RCC1L: variants seen among roughly 807,000 people sequenced by gnomAD.
RCC1L encodes RCC1-like G exchanging factor-like protein.
A neutral mutation model predicts 58.6 loss-of-function variants in RCC1L; 46 were observed. The observed-to-expected ratio is 0.79, with a 90% CI of 0.62 to 1.00. RCC1L has a LOEUF of 1.00. Among genes scored for constraint, RCC1L ranks in the 50% least tolerant of loss-of-function variants. The probability of loss-of-function intolerance (pLI) is 0.00; values close to 1 mark genes in which losing one functional copy is unlikely to be tolerated. For synonymous variants in RCC1L, 281 were observed against 262.9 expected (o/e 1.07, Z -0.67); for missense variants, 636 against 623.6 (o/e 1.02, Z -0.21).
intron 6 of RCC1L, 121 bp from the exon 7 acceptor site, chr7:75,058,890 T>A: frequency 8.0e-7 from 1 of 1,256,916 alleles, no homozygotes; most frequent in Non-Finnish European, 1.1e-6. Flanking sequence ...GAAATCCCAG[T>A]CTGGGGCTGG....
rs1359739168 is a variant in RCC1L at position 75,073,666 on chromosome 7, C to A, written c.72G>T (p.Gly24=). The A allele has an allele frequency of 2.7e-6, 4 of 1,488,698 alleles. No individual in the cohort carries two copies. Among genetic ancestry groups the A allele is most frequent in the Non-Finnish European group, 3.5e-6 (4 of 1,127,260 alleles). The allele number at this position is 1,488,698 out of a possible 1,614,324, so 92.2% of individuals were successfully genotyped here. The change falls in exon 1 of 11, where the codon GGG becomes GGT. Residue 24 remains glycine, a synonymous_variant. Transcript: ENST00000610322. ...RRLSGPGLGR[G]HWTAAGRSRS... is the part of the protein sequence containing the mutation. ...GGGAGCGCCCGGCCGCCGTCCAGTG[C>A]CCTCGCCCCAGCCCCGGCCCGCTCA...
At chr7:75,043,246 G>T in intron 10 of RCC1L, 137 bp from the exon 11 acceptor site, 1 of 1,025,308 alleles carries the variant, frequency 9.8e-7, no homozygotes, top group Non-Finnish European at 1.5e-6. Flanking sequence ...GAGACAGCTT[G>T]TCTCAGTAGG....
chr7:75,073,015 A>G (rs1362479061), intron 1 of RCC1L, among the ~76,000 whole-genome samples: 2 of 152,192 alleles, frequency 1.3e-5, no homozygotes, highest in Non-Finnish European at 2.9e-5. Context: ...TACATTTTCA[A>G]TGGACTTTTG....
intron 4 of RCC1L, 85 bp downstream of exon 4, chr7:75,064,497 C>T: frequency 2.0e-6 from 3 of 1,508,164 alleles, no homozygotes; most frequent in Non-Finnish European, 2.8e-6. Context: ...CTCTGACCGC[C>T]CCGCGGGTTT....
At chr7:75,034,903 C>A (rs1284993493) in intron 10 of RCC1L, among the ~76,000 whole-genome samples, 2 of 152,124 alleles carry the variant, frequency 1.3e-5, no homozygotes, top group Non-Finnish European at 2.9e-5. Context: ...ATCCTCCCAC[C>A]CCAGCCTCCC....
chr7:75,063,319 C>A lies in RCC1L; in HGVS notation c.675G>T (p.Met225Ile). ...GGACCACCTGGCCATCGAAGTCCTG[C>A]ATCCTGTGGACTCTGTGACTTTCAC... ...IYSESHRVHR[M>I]QDFDGQVVQV... Residue 225 changes from methionine to isoleucine, a missense_variant, in exon 5 of 11, where the codon ATG becomes ATT. Physicochemically the swap from Met to Ile is conservative, Grantham distance 10. Coordinates refer to ENST00000610322, the MANE Select transcript of RCC1L (RefSeq NM_030798.5). 1 of 1,613,874 alleles carries A rather than the reference C, an allele frequency of 6.2e-7. No homozygotes were observed.
intron 3 of RCC1L, among the ~76,000 whole-genome samples, chr7:75,065,763 AT>A (rs1344937620): frequency 4.6e-5 from 7 of 152,068 alleles, no homozygotes; most frequent in African/African-American, 1.7e-4. Context: ...CACGTCTATA[AT>A]CCCAGCACTT....
At chr7:75,057,965 C>T in intron 7 of RCC1L, 1 of 345,500 alleles carries the variant, frequency 2.9e-6, no homozygotes, top group African/African-American at 2.2e-5. Context: ...CGAGACCAGC[C>T]TGGCCAACAT....
At chr7:75,047,866 C>A (rs1401226168) in intron 10 of RCC1L, among the ~76,000 whole-genome samples, 1 of 146,034 alleles carries the variant, frequency 6.8e-6, no homozygotes, top group African/African-American at 2.5e-5. Flanking sequence ...AGGCTGGTAT[C>A]GAACTCCTGA....
chr7:75,068,037 G>A (rs147437221), intron 2 of RCC1L, among the ~76,000 whole-genome samples: 3 of 151,866 alleles, frequency 2.0e-5, no homozygotes, highest in South Asian at 2.1e-4. Flanking sequence ...AATGTAACGC[G>A]GGCCGGGCAC....
chr7:75,027,652 G>T (rs1317078483), exon 11 of RCC1L: 1 of 280,270 alleles, frequency 3.6e-6, no homozygotes, highest in Non-Finnish European at 6.8e-6. Context: ...CTCCGCCCTG[G>T]CTGGCTCTGC....
At chr7:75,057,284 T>G (rs1237823221) in intron 8 of RCC1L, among the ~76,000 whole-genome samples, 2 of 151,996 alleles carry the variant, frequency 1.3e-5, no homozygotes, top group Non-Finnish European at 2.9e-5. Flanking sequence ...TCCAGCTAAT[T>G]TCTCCATTTT....
intron 10 of RCC1L, among the ~76,000 whole-genome samples, chr7:75,031,339 G>T (rs1371628201): frequency 6.6e-6 from 1 of 152,108 alleles, no homozygotes; most frequent in Non-Finnish European, 1.5e-5. Flanking sequence ...CAAGATCTGG[G>T]TGAAGGGGAG....
At chr7:75,027,851 G>C in exon 11 of RCC1L, 1 of 703,328 alleles carries the variant, frequency 1.4e-6, no homozygotes, top group Non-Finnish European at 2.5e-6. Context: ...TGGGGTGTGA[G>C]TGTGGTTTTT....
chr7:75,072,161 C>CATATACACATATATATATATATATATAT (rs1455614533), intron 1 of RCC1L, among the ~76,000 whole-genome samples: 1 of 46,368 alleles, frequency 2.2e-5, no homozygotes, highest in Non-Finnish European at 4.6e-5. Flanking sequence ...TATACATATA[C>CATATACACATATATATATATATATATAT]ATATATATAT....
chr7:75,059,187 C>CAAAAAAAAAAAAAA (rs71278503), intron 6 of RCC1L, among the ~76,000 whole-genome samples: 1 of 77,978 alleles, frequency 1.3e-5, no homozygotes, highest in Non-Finnish European at 2.6e-5. Context: ...ATGAGACTCT[C>CAAAAAAAAAAAAAA]AAAAAAAAAA....
intron 4 of RCC1L, among the ~76,000 whole-genome samples, chr7:75,064,308 G>A (rs950383663): frequency 1.4e-5 from 2 of 145,048 alleles, no homozygotes; most frequent in Non-Finnish European, 3.0e-5. Flanking sequence ...CTGGCCTGGC[G>A]ACAGAGCAAG....
chr7:75,055,669 A>G, intron 9 of RCC1L: 1 of 577,910 alleles, frequency 1.7e-6, no homozygotes, highest in East Asian at 3.1e-5. Context: ...CGTTCACGTT[A>G]GCCTACCCAC....
intron 3 of RCC1L, among the ~76,000 whole-genome samples, chr7:75,064,998 C>T (rs144592100): frequency 2.7e-3 from 413 of 152,168 alleles, no homozygotes; most frequent in Non-Finnish European, 4.4e-3. Context: ...AAGTGAGGAG[C>T]GCCTCTGCCC....
Sources: gnomAD v4.1 joint callset for allele counts (sites outside exome capture counted in the v4.1 genomes callset) on GRCh38, gnomAD v4.1.1 for gene constraint, MANE v1.5 for transcripts, NCBI Gene and HGNC (gene_info 2026-07-23, HGNC 2026-07-21) for gene names.